Variants in HNRNPDL observed in about 807,000 individuals in gnomAD.
The protein encoded by HNRNPDL is heterogeneous nuclear ribonucleoprotein D like, also known as heterogeneous nuclear ribonucleoprotein D-like.
In HNRNPDL, 18 loss-of-function variants were observed where a neutral mutation model predicts 48.0. That is an observed-to-expected ratio of 0.38 (90% CI 0.26 to 0.56). The LOEUF (loss-of-function observed/expected upper bound fraction) is 0.56, where lower values mean the gene tolerates loss of function less well. HNRNPDL is among the 20% of genes least tolerant of loss of function. The pLI, the probability that HNRNPDL is intolerant of heterozygous loss-of-function variation, is 0.77. For synonymous variants in HNRNPDL, 306 were observed against 207.3 expected, an observed-to-expected ratio of 1.48 and a Z score of -4.09; for missense variants, 553 against 540.7, an observed-to-expected ratio of 1.02 and a Z score of -0.23.
chr4:82,429,957 G>A lies in HNRNPDL; in HGVS notation c.-267C>T, dbSNP rs939661718. On this transcript the variant is annotated 5_prime_UTR_variant, in exon 1 of 8. Coordinates refer to ENST00000295470, the MANE Select transcript of HNRNPDL (RefSeq NM_031372.4). ...AGCCGCTGCGGCGGCCGCTGCTACC[G>A]ACTAGCACCGCGGCCAGTCTGCTCC... 5.1e-4 allele frequency: 160 copies of A among 316,304 alleles called. No homozygotes were observed. The highest frequency in any genetic ancestry group is 6.7e-4 in the Non-Finnish European group (116 of 174,414). 19.6% of individuals were successfully genotyped at this position (316,304 alleles called of 1,614,324 possible).
At chr4:82,429,105 T>A (rs886329479) in intron 1 of HNRNPDL, 143 bp downstream of exon 1, 1 of 753,022 alleles carries the variant, frequency 1.3e-6, no homozygotes, top group African/African-American at 1.7e-5. Flanking sequence ...CTTACTTTCC[T>A]CTTCCCTCCA....
chr4:82,428,246 A>G (rs1419062068), intron 2 of HNRNPDL, 32 bp downstream of exon 2: 2 of 1,608,200 alleles, frequency 1.2e-6, no homozygotes, highest in Non-Finnish European at 1.7e-6. Context: ...AAAACACCAC[A>G]AAAGCAGCAC....
rs530501276 is a variant in HNRNPDL, at chr4:82,423,311, T to C, written c.*1595A>G. The C allele has an allele frequency of 6.6e-6, 1 of 152,318 alleles. No homozygotes were observed. The highest frequency in any genetic ancestry group is 1.9e-4 in the East Asian group (1 of 5,190). 9.4% of individuals were successfully genotyped at this position (152,318 alleles called of 1,614,324 possible). On this transcript the variant is annotated 3_prime_UTR_variant, in exon 8 of 8. Coordinates refer to ENST00000295470, the MANE Select transcript of HNRNPDL (RefSeq NM_031372.4). ...TTTGAACTTACAGGATTCACTACCC[T>C]AGACACCGCACCTACTGACAACACA...
rs1721328115 is a variant in HNRNPDL, at chr4:82,424,367, GAC to G, written c.*537_*538del. ...CACAACACTTATGTCTTCCTTTCAG[GAC>G]AGTCTTCAGATAACCAGAAGGGAAA... On this transcript the variant is annotated 3_prime_UTR_variant, in exon 8 of 8. Transcript: ENST00000295470. 6.6e-6 allele frequency: 1 copy of G among 152,584 alleles called. No homozygotes were observed. The highest frequency in any genetic ancestry group is 2.1e-4 in the South Asian group (1 of 4,832). 9.5% of individuals were successfully genotyped at this position (152,584 alleles called of 1,614,324 possible). A position where few individuals can be genotyped will look rare whatever the true frequency, so the allele number is the denominator to read the frequency against.
In HNRNPDL at chr4:82,429,673, C is replaced by T; in HGVS notation, c.18G>A (p.Arg6=). The change falls in exon 1 of 8, where the codon AGG becomes AGA. Residue 6 remains arginine, a synonymous_variant. Coordinates refer to ENST00000295470, the MANE Select transcript of HNRNPDL (RefSeq NM_031372.4). ...ACAATGGCGGCGGCACATGGGAAAG[C>T]CTGGGCGGGACCTCCATCGCGGCCC... MEVPP[R]LSHVPPPLFP... 2.9e-6 allele frequency: 4 copies of T among 1,359,460 alleles called. No homozygotes were observed. Among genetic ancestry groups the T allele is most frequent in the Non-Finnish European group, 3.8e-6 (4 of 1,057,316 alleles). 84.2% of individuals were successfully genotyped at this position (1,359,460 alleles called of 1,614,324 possible).
intron 3 of HNRNPDL, 28 bp from the exon 4 acceptor site, chr4:82,427,592 A>T: frequency 6.2e-7 from 1 of 1,601,366 alleles, no homozygotes; most frequent in South Asian, 1.1e-5. Flanking sequence ...ACTCAACGTC[A>T]TCCCATAATT....
rs568540615 is a variant in HNRNPDL at position 82,423,829 on chromosome 4, G to A, written c.*1077C>T. 6.6e-6 allele frequency: 1 copy of A among 152,168 alleles called. No homozygotes were observed. Among genetic ancestry groups the A allele is most frequent in the Non-Finnish European group, 1.5e-5 (1 of 68,030 alleles). 9.4% of individuals were successfully genotyped at this position (152,168 alleles called of 1,614,324 possible). On this transcript the variant is annotated 3_prime_UTR_variant, in exon 8 of 8. Transcript: ENST00000295470. ...TTTGTAATGACTTTGTCATAACCAA[G>A]ATACCTTTTCCACTATTCCTTTCTG...
In HNRNPDL at chr4:82,428,123, G is replaced by A. The variant is rs1212011148; in HGVS notation, c.669C>T (p.Ala223=). The change falls in exon 3 of 8, where the codon GCC becomes GCT. Residue 223 remains alanine, a synonymous_variant. Transcript: ENST00000295470. ...LDGKLIDPKR[A]KALKGKEPPK... is the part of the protein sequence containing the mutation. ...GAGGTTCTTTCCCTTTTAAAGCTTT[G>A]GCCCTTTTGGGATCTATCAATTTGC... The A allele has an allele frequency of 1.9e-6, 3 of 1,613,998 alleles. No homozygotes were observed. The highest frequency in any genetic ancestry group is 2.2e-5 in the South Asian group (2 of 91,062).
intron 1 of HNRNPDL, 105 bp downstream of exon 1, chr4:82,429,143 G>C (rs377552167): frequency 7.6e-6 from 8 of 1,051,466 alleles, no homozygotes; most frequent in Non-Finnish European, 1.2e-5. Context: ...AGGCACGCGG[G>C]GAATCGACTC....
chr4:82,428,963 G>A (rs1462987009), intron 1 of HNRNPDL, among the ~76,000 whole-genome samples: 1 of 152,202 alleles, frequency 6.6e-6, no homozygotes, highest in African/African-American at 2.4e-5. Context: ...GCAGCGCTGG[G>A]AGGCCGGCCC....
Position 82,429,730 on chromosome 4 carries a change from G to A in HNRNPDL, c.-40C>T. On this transcript the variant is annotated 5_prime_UTR_variant, in exon 1 of 8. Coordinates refer to ENST00000295470, the MANE Select transcript of HNRNPDL (RefSeq NM_031372.4). ...CAAGGAGAGAGGCCACGCGTGAGGGGACGCGGGCTTGGGAGAAGAGAAGAA... is the reference window on the plus strand; with the variant it reads ...CAAGGAGAGAGGCCACGCGTGAGGGAACGCGGGCTTGGGAGAAGAGAAGAA... The A allele has an allele frequency of 7.6e-7, 1 of 1,311,594 alleles. No individual in the cohort carries two copies. The highest frequency in any genetic ancestry group is 9.7e-7 in the Non-Finnish European group (1 of 1,026,410). The allele number at this position is 1,311,594 out of a possible 1,614,324, so 81.2% of individuals were successfully genotyped here.
chr4:82,429,608 G>GA lies in HNRNPDL; in HGVS notation c.82dup (p.Ser28PhefsTer64). On this transcript the variant is annotated frameshift_variant, in exon 1 of 8. Coordinates refer to ENST00000295470, the MANE Select transcript of HNRNPDL (RefSeq NM_031372.4). LOFTEE classifies it high-confidence loss of function. ...CCGCGGCGGCCGCGGCCGCCAATGGGAGAGGCTGCGGGAGGCTAAAGTAGC... is the reference window on the plus strand; with the variant it reads ...CCGCGGCGGCCGCGGCCGCCAATGGGAAGAGGCTGCGGGAGGCTAAAGTAGC... 7.2e-7 allele frequency: 1 copy of GA among 1,383,596 alleles called. No individual in the cohort carries two copies. The highest frequency in any genetic ancestry group is 9.3e-7 in the Non-Finnish European group (1 of 1,071,842). 85.7% of individuals were successfully genotyped at this position (1,383,596 alleles called of 1,614,324 possible).
chr4:82,429,054 C>A, intron 1 of HNRNPDL, among the ~76,000 whole-genome samples, 194 bp downstream of exon 1: 1 of 152,116 alleles, frequency 6.6e-6, no homozygotes, highest in Non-Finnish European at 1.5e-5. Context: ...CTCCGCCCTT[C>A]CCCCACTCTT....
rs1174970210 is a variant in HNRNPDL at position 82,424,128 on chromosome 4, C to T, written c.*778G>A. 6.6e-6 allele frequency: 1 copy of T among 152,178 alleles called. No homozygotes were observed. The highest frequency in any genetic ancestry group is 2.4e-5 in the African/African-American group (1 of 41,438). 9.4% of individuals were successfully genotyped at this position (152,178 alleles called of 1,614,324 possible). ...AATGCTCTTAAACCATAGCTCCTACCAGTTTTACAGTGCTCCTTTTGTATC... is the reference window on the plus strand; with the variant it reads ...AATGCTCTTAAACCATAGCTCCTACTAGTTTTACAGTGCTCCTTTTGTATC... On this transcript the variant is annotated 3_prime_UTR_variant, in exon 8 of 8. Transcript: ENST00000295470.
rs746215808 is a variant in HNRNPDL, at chr4:82,422,845, TACAC to T, written c.*2057_*2060del. ...AAAGGCAAATACGATGTAAAAAACA[TACAC>T]AGAGTATTTGTTATAGGTACTTTAG... is the stretch of plus-strand genomic sequence containing the variant. On this transcript the variant is annotated 3_prime_UTR_variant, in exon 8 of 8. Coordinates refer to ENST00000295470, the MANE Select transcript of HNRNPDL (RefSeq NM_031372.4). 3 of 152,326 alleles carry T rather than the reference TACAC, an allele frequency of 2.0e-5. No individual in the cohort carries two copies. Among genetic ancestry groups the T allele is most frequent in the Non-Finnish European group, 2.9e-5 (2 of 68,028 alleles). 9.4% of individuals were successfully genotyped at this position (152,326 alleles called of 1,614,324 possible).
In HNRNPDL at chr4:82,424,813, A is replaced by T. The variant is rs1428760995; in HGVS notation, c.*93T>A. On this transcript the variant is annotated 3_prime_UTR_variant, in exon 8 of 8. Coordinates refer to ENST00000295470, the MANE Select transcript of HNRNPDL (RefSeq NM_031372.4). ...TACACTAGAAAGTCTTTTACAAAAT[A>T]ATCATCTTAGATCAACAGAAGACCA... 1.3e-5 allele frequency: 2 copies of T among 152,248 alleles called. No homozygotes were observed. The highest frequency in any genetic ancestry group is 2.1e-4 in the South Asian group (1 of 4,836). 9.4% of individuals were successfully genotyped at this position (152,248 alleles called of 1,614,324 possible). A position where few individuals can be genotyped will look rare whatever the true frequency, so the allele number is the denominator to read the frequency against.
chr4:82,425,233 T>A (rs754053513), intron 7 of HNRNPDL: 2 of 152,262 alleles, frequency 1.3e-5, no homozygotes, highest in Non-Finnish European at 1.5e-5. Context: ...CATAAATTGA[T>A]CTGTGCATAT....
intron 3 of HNRNPDL, among the ~76,000 whole-genome samples, 187 bp from the exon 4 acceptor site, chr4:82,427,751 G>A (rs555968555): frequency 6.6e-6 from 1 of 152,222 alleles, no homozygotes; most frequent in Non-Finnish European, 1.5e-5. Flanking sequence ...AGCATTGAGA[G>A]AAATTAATAT....
intron 1 of HNRNPDL, among the ~76,000 whole-genome samples, chr4:82,428,668 A>G (rs1721522487): frequency 6.6e-6 from 1 of 152,242 alleles, no homozygotes. Flanking sequence ...AGCAAAGCTC[A>G]AAAGAGACCA....
Sources: allele counts gnomAD v4.1 joint callset (sites outside exome capture counted in the v4.1 genomes callset), GRCh38; gene constraint gnomAD v4.1.1; transcripts MANE v1.5; gene names NCBI Gene and HGNC (gene_info 2026-07-23, HGNC 2026-07-21).